Variants in BDNF observed in about 807,000 individuals in gnomAD.
The protein encoded by BDNF is neurotrophic factor BDNF precursor form.
In BDNF, 1 loss-of-function variant was observed where a neutral mutation model predicts 19.5. The ratio of observed to expected loss-of-function variants is 0.05; its 90% CI spans 0.02 to 0.24. BDNF has a LOEUF of 0.24. Ranked by LOEUF, BDNF falls within the 10% of genes least tolerant of loss-of-function variation. BDNF has a pLI of 1.00. For missense variants in BDNF, 195 were observed against 317.6 expected, an observed-to-expected ratio of 0.61 and a Z score of 2.93; for synonymous variants, 100 against 121.6, an observed-to-expected ratio of 0.82 and a Z score of 1.17.
At chr11:27,719,490 G>T in intron 1 of BDNF, 3 of 985,472 alleles carry the variant, frequency 3.0e-6, no homozygotes, top group Non-Finnish European at 3.6e-6. Flanking sequence ...CTTTCCCTGA[G>T]TTACCCCGAC....
intron 1 of BDNF, chr11:27,697,347 A>T (rs962668939): frequency 3.3e-5 from 5 of 152,348 alleles, no homozygotes; most frequent in African/African-American, 7.2e-5. Flanking sequence ...CATTTTGACT[A>T]TTGAAAAGCT....
At chr11:27,708,358 A>C (rs887683173) in intron 1 of BDNF, among the ~76,000 whole-genome samples, 3 of 152,234 alleles carry the variant, frequency 2.0e-5, no homozygotes, top group Admixed American at 1.3e-4. Flanking sequence ...GCACACAAAA[A>C]CTAATTAGAG....
chr11:27,671,805 C>G (rs1478093136), intron 1 of BDNF, among the ~76,000 whole-genome samples: 1 of 152,054 alleles, frequency 6.6e-6, no homozygotes, highest in Non-Finnish European at 1.5e-5. Flanking sequence ...ACCCTCATTC[C>G]ACCTACCCCA....
intron 1 of BDNF, among the ~76,000 whole-genome samples, chr11:27,673,716 C>G (rs1014936354): frequency 2.6e-5 from 4 of 152,170 alleles, no homozygotes; most frequent in African/African-American, 7.2e-5. Flanking sequence ...AATTAGTTAT[C>G]TGAGCAATTT....
chr11:27,700,907 C>T (rs184322579), upstream of BDNF: 59 of 1,320,078 alleles, frequency 4.5e-5, no homozygotes, highest in African/African-American at 6.8e-4. Context: ...CTCTCCCCTT[C>T]CTCCCCATCC....
chr11:27,659,680 A>AT (rs1011917391), intron 1 of BDNF: 1 of 997,876 alleles, frequency 1.0e-6, no homozygotes, highest in African/African-American at 1.8e-5. Context: ...CTCTGAGTTT[A>AT]TCCTACTTTT....
upstream of BDNF, chr11:27,701,009 G>T (rs1402139464): frequency 4.4e-6 from 6 of 1,361,558 alleles, no homozygotes; most frequent in Middle Eastern, 2.1e-4. Flanking sequence ...TTGCGAACGC[G>T]AGCACACAAT....
chr11:27,657,811 CAT>C lies in BDNF; in HGVS notation c.*8_*9del. The C allele has an allele frequency of 6.2e-7, 1 of 1,612,206 alleles. No individual in the cohort carries two copies. Among genetic ancestry groups the C allele is most frequent in the East Asian group, 2.2e-5 (1 of 44,864 alleles). On this transcript the variant is annotated 3_prime_UTR_variant, in exon 2 of 2. Coordinates refer to ENST00000356660, the MANE Select transcript of BDNF (RefSeq NM_001709.5). This position sits in a 1 kb window ranked among gnomAD's most constrained non-coding sequence, Gnocchi z 5.0. ...TCTCAATATAATCTAATCTATACAA[CAT>C]AAATCCACTATCTTCCCCTTTTAAT...
chr11:27,700,533 C>G, upstream of BDNF: 9 of 467,886 alleles, frequency 1.9e-5, no homozygotes, highest in Non-Finnish European at 2.3e-5. Flanking sequence ...CCCCCCCCCC[C>G]GCCCCCCGCC....
intron 1 of BDNF, among the ~76,000 whole-genome samples, chr11:27,689,047 A>G (rs905058991): frequency 6.6e-6 from 1 of 152,188 alleles, no homozygotes; most frequent in Non-Finnish European, 1.5e-5. Context: ...TAATCTTCCC[A>G]TTACCACTTT....
chr11:27,659,703 G>A lies in BDNF; in HGVS notation c.-21-1118C>T, dbSNP rs2133798249. 3 of 992,416 alleles carry A rather than the reference G, an allele frequency of 3.0e-6. No homozygotes were observed. In the South Asian group the frequency reaches 1.4e-4, roughly 47 times the overall value. 61.5% of individuals were successfully genotyped at this position (992,416 alleles called of 1,614,324 possible). ...TTATCCTACTTTTAAAAAGCTGAGT[G>A]GTGTTTTACACATTTTGGAATAGGC... On this transcript the variant is annotated intron_variant, in intron 1 of 1. Transcript: ENST00000356660.
At chr11:27,684,887 T>G (rs1163652313) in intron 1 of BDNF, among the ~76,000 whole-genome samples, 1 of 152,194 alleles carries the variant, frequency 6.6e-6, no homozygotes, top group East Asian at 1.9e-4. Context: ...CTGCCAGGTT[T>G]TTGTATCAGG....
intron 1 of BDNF, among the ~76,000 whole-genome samples, chr11:27,684,179 A>G (rs973275628): frequency 2.0e-5 from 3 of 152,140 alleles, no homozygotes; most frequent in African/African-American, 7.2e-5. Context: ...TGTGAATGGG[A>G]GTTCACTCAT....
In BDNF at chr11:27,664,822, G is replaced by C. The variant is rs148260790; in HGVS notation, c.-21-6237C>G. Among the ~76,000 whole-genome samples the C allele has an allele frequency of 4.4e-3, 676 of 152,154 alleles. 3 individuals carry two copies. Among genetic ancestry groups the C allele is most frequent in the South Asian group, 7.9e-3 (38 of 4,818 alleles). On this transcript the variant is annotated intron_variant, in intron 1 of 1. Coordinates refer to ENST00000356660, the MANE Select transcript of BDNF (RefSeq NM_001709.5). The stretch of plus-strand genomic sequence containing the variant: ...TTTGCTGTAATCAATGAAGGCTCCC[G>C]ATAGCCAGAGCCACCCAGAATTCAC...
At chr11:27,708,136 T>C (rs981409830) in intron 1 of BDNF, among the ~76,000 whole-genome samples, 1 of 152,220 alleles carries the variant, frequency 6.6e-6, no homozygotes, top group Non-Finnish European at 1.5e-5. Flanking sequence ...GCCAAACATA[T>C]GACCATCCAC....
chr11:27,657,425 G>T lies in BDNF; in HGVS notation c.*396C>A. On this transcript the variant is annotated 3_prime_UTR_variant, in exon 2 of 2. Coordinates refer to ENST00000356660, the MANE Select transcript of BDNF (RefSeq NM_001709.5). The surrounding 1 kb of genome is among the most constrained non-coding windows in gnomAD (Gnocchi z 5.0). Reference sequence around the variant, plus strand: ...GATACTTACTGTCTAAAATGTAAACGGAATGTTTTGGTTCAAATTTTTGTT... The same window carrying T: ...GATACTTACTGTCTAAAATGTAAACTGAATGTTTTGGTTCAAATTTTTGTT... 1 of 1,040,812 alleles carries T rather than the reference G, an allele frequency of 9.6e-7. No individual in the cohort carries two copies. Among genetic ancestry groups the T allele is most frequent in the Non-Finnish European group, 1.2e-6 (1 of 864,320 alleles). 64.5% of individuals were successfully genotyped at this position (1,040,812 alleles called of 1,614,324 possible).
rs1431475678 is a variant in BDNF, at chr11:27,658,555, G to C, written c.10C>G (p.Leu4Val). The C allele has an allele frequency of 6.2e-7, 1 of 1,614,048 alleles. No individual in the cohort carries two copies. Among genetic ancestry groups the C allele is most frequent in the African/African-American group, 1.3e-5 (1 of 74,950 alleles). Residue 4 changes from leucine to valine, a missense_variant, in exon 2 of 2, where the codon CTT becomes GTT. Physicochemically the swap from Leu to Val is conservative, Grantham distance 32. Transcript: ENST00000356660. This position sits in a 1 kb window ranked among gnomAD's most constrained non-coding sequence, Gnocchi z 5.7. ...TATGAAATAACCATAGTAAGGAAAA[G>C]GATGGTCATCACTCTTCTCACCTGG... MTI[L>V]FLTMVISYFG... is the part of the protein sequence containing the mutation.
intron 1 of BDNF, among the ~76,000 whole-genome samples, chr11:27,693,808 CAGAA>C (rs1211627716): frequency 1.3e-5 from 2 of 152,280 alleles, no homozygotes; most frequent in South Asian, 4.1e-4. Context: ...CACATGAAGG[CAGAA>C]AGAAAGAATC....
chr11:27,697,987 A>G (rs1859325378), intron 1 of BDNF: 1 of 152,152 alleles, frequency 6.6e-6, no homozygotes, highest in South Asian at 2.1e-4. Context: ...ATAACTTAAA[A>G]TAGTTCCACA....
Sources: allele counts gnomAD v4.1 joint callset (sites outside exome capture counted in the v4.1 genomes callset), GRCh38; gene constraint gnomAD v4.1.1; non-coding constraint Gnocchi (gnomAD v3.1); transcripts MANE v1.5; gene names NCBI Gene and HGNC (gene_info 2026-07-23, HGNC 2026-07-21).